Variants in SPMIP2 observed in about 807,000 individuals in gnomAD.
SPMIP2 encodes the protein protein SPMIP2.
At chr4:159,078,293 A>G in the SPMIP2 span, among the ~76,000 whole-genome samples, 54 of 152,214 alleles carry the variant, frequency 3.5e-4, no homozygotes, top group African/African-American at 1.3e-3. Flanking sequence ...TACATCTCCA[A>G]TAAATATCCC....
chr4:159,041,987 T>C, the SPMIP2 span, among the ~76,000 whole-genome samples: 2 of 152,224 alleles, frequency 1.3e-5, no homozygotes, highest in African/African-American at 4.8e-5. Flanking sequence ...GGGTTCTTAA[T>C]AACTGAAATC....
chr4:158,998,991 C>G, the SPMIP2 span, among the ~76,000 whole-genome samples: 1 of 152,036 alleles, frequency 6.6e-6, no homozygotes, highest in Non-Finnish European at 1.5e-5. Context: ...GAGCCCCTGT[C>G]TCTACAAAAA....
At chr4:159,054,926 T>C in the SPMIP2 span, among the ~76,000 whole-genome samples, 5 of 150,920 alleles carry the variant, frequency 3.3e-5, no homozygotes, top group African/African-American at 1.2e-4. Flanking sequence ...AAAGACAATA[T>C]CGAGCACCCC....
the SPMIP2 span, among the ~76,000 whole-genome samples, chr4:159,028,322 T>C: frequency 6.6e-6 from 1 of 152,248 alleles, no homozygotes; most frequent in South Asian, 2.1e-4. Context: ...TAAAGAAATG[T>C]AATTTTTAAG....
chr4:158,913,214 C>T, the SPMIP2 span, among the ~76,000 whole-genome samples: 19 of 152,020 alleles, frequency 1.2e-4, no homozygotes, highest in African/African-American at 4.1e-4. Context: ...TTTGTTGTTG[C>T]TGTTGTTGTT....
chr4:159,009,808 T>G, the SPMIP2 span, among the ~76,000 whole-genome samples: 1 of 151,748 alleles, frequency 6.6e-6, no homozygotes, highest in African/African-American at 2.4e-5. Context: ...TTATCTCTGT[T>G]AATAAAAAAA....
At chr4:159,049,608 A>G in the SPMIP2 span, among the ~76,000 whole-genome samples, 1 of 152,150 alleles carries the variant, frequency 6.6e-6, no homozygotes, top group Non-Finnish European at 1.5e-5. Context: ...TCTTCTAGCT[A>G]TTTTGGCAAA....
At chr4:159,012,940 A>G in the SPMIP2 span, among the ~76,000 whole-genome samples, 2,290 of 152,296 alleles carry the variant, frequency 0.015, 54 homozygotes, top group African/African-American at 0.052. Flanking sequence ...TTTCCACTTC[A>G]AAAGCAATGT....
the SPMIP2 span, among the ~76,000 whole-genome samples, chr4:158,998,631 C>T: frequency 6.6e-6 from 1 of 151,924 alleles, no homozygotes; most frequent in Non-Finnish European, 1.5e-5. Context: ...ACAGATTTGC[C>T]AGCACAATAA....
At chr4:158,957,986 G>C in the SPMIP2 span, among the ~76,000 whole-genome samples, 2 of 152,116 alleles carry the variant, frequency 1.3e-5, no homozygotes, top group Non-Finnish European at 2.9e-5. Flanking sequence ...GAAACAGTAT[G>C]GTCTGTTGTT....
the SPMIP2 span, among the ~76,000 whole-genome samples, chr4:158,995,357 T>C: frequency 1.3e-5 from 2 of 152,236 alleles, no homozygotes; most frequent in Non-Finnish European, 2.9e-5. Context: ...GATATAATTA[T>C]GCCTCAAATT....
chr4:159,003,778 A>C, the SPMIP2 span, among the ~76,000 whole-genome samples: 1 of 152,220 alleles, frequency 6.6e-6, no homozygotes, highest in Non-Finnish European at 1.5e-5. Flanking sequence ...CTCTTTAAAG[A>C]GAACACAGCT....
chr4:158,925,459 A>G, the SPMIP2 span, among the ~76,000 whole-genome samples: 1 of 152,062 alleles, frequency 6.6e-6, no homozygotes, highest in African/African-American at 2.4e-5. Context: ...GCAGTCCCCA[A>G]CCTTTTTGGC....
chr4:159,052,725 C>T, the SPMIP2 span, among the ~76,000 whole-genome samples: 1 of 151,150 alleles, frequency 6.6e-6, no homozygotes, highest in African/African-American at 2.4e-5. Context: ...CCTCTGCCTT[C>T]CAGGTTCAAG....
At chr4:159,009,659 C>T in the SPMIP2 span, among the ~76,000 whole-genome samples, 4 of 152,192 alleles carry the variant, frequency 2.6e-5, no homozygotes, top group South Asian at 8.3e-4. Flanking sequence ...TATTGAGAGG[C>T]TCTCATAAGG....
chr4:159,002,675 T>C, the SPMIP2 span, among the ~76,000 whole-genome samples: 1 of 152,230 alleles, frequency 6.6e-6, no homozygotes, highest in South Asian at 2.1e-4. Flanking sequence ...TTTTTGTATA[T>C]GGATATCCAG....
the SPMIP2 span, among the ~76,000 whole-genome samples, chr4:159,075,993 A>C: frequency 2.6e-5 from 4 of 152,124 alleles, no homozygotes; most frequent in Non-Finnish European, 5.9e-5. Context: ...CTTTAAACCA[A>C]TAGTTGGCTT....
chr4:158,943,462 T>C, the SPMIP2 span, among the ~76,000 whole-genome samples: 4 of 152,142 alleles, frequency 2.6e-5, no homozygotes, highest in Non-Finnish European at 5.9e-5. Flanking sequence ...TTCCCATCAC[T>C]CTCATCAGTT....
the SPMIP2 span, among the ~76,000 whole-genome samples, chr4:158,986,835 C>T: frequency 0.98 from 144,434 of 146,908 alleles, 71,047 homozygotes; most frequent in East Asian, 1. Flanking sequence ...ACCATCAGAG[C>T]GAACAGGCAA....
Sources: allele counts gnomAD v4.1 joint callset (sites outside exome capture counted in the v4.1 genomes callset), GRCh38; gene constraint gnomAD v4.1.1; transcripts MANE v1.5; gene names NCBI Gene and HGNC (gene_info 2026-07-23, HGNC 2026-07-21).